Variants in PKHD1 observed in about 807,000 individuals in gnomAD.
PKHD1 encodes the protein PKHD1 ciliary IPT domain containing fibrocystin/polyductin.
A neutral mutation model predicts 412.0 loss-of-function variants in PKHD1; 291 were observed. The ratio of observed to expected loss-of-function variants is 0.71; its 90% CI spans 0.64 to 0.78. The LOEUF is 0.78. Among genes scored for constraint, PKHD1 ranks in the 30% least tolerant of loss-of-function variants. PKHD1 has a pLI of 0.00. For synonymous variants in PKHD1, 1,777 were observed against 1,821.5 expected (o/e 0.98, Z 0.62); for missense variants, 4,825 against 4,950.7 (o/e 0.97, Z 0.76).
chr6:51,932,157 C>T (rs1443382233), intron 37 of PKHD1, among the ~76,000 whole-genome samples: 1 of 152,102 alleles, frequency 6.6e-6, no homozygotes, highest in African/African-American at 2.4e-5. Flanking sequence ...CTTGAATTGC[C>T]CCATATTGAC....
At chr6:52,065,481 C>T (rs1325721315) in intron 12 of PKHD1, among the ~76,000 whole-genome samples, 3 of 152,040 alleles carry the variant, frequency 2.0e-5, no homozygotes, top group Non-Finnish European at 2.9e-5. Flanking sequence ...CTTGGTGTCA[C>T]CAACTACAGA....
intron 6 of PKHD1, among the ~76,000 whole-genome samples, chr6:52,075,954 T>C (rs1272827796): frequency 3.3e-5 from 5 of 152,208 alleles, no homozygotes. Context: ...TAAAGGTTTA[T>C]TATTATGGGA....
intron 35 of PKHD1, among the ~76,000 whole-genome samples, chr6:52,009,673 G>A (rs1581723184): frequency 6.6e-6 from 1 of 152,018 alleles, no homozygotes; most frequent in Non-Finnish European, 1.5e-5. Flanking sequence ...TGCAATTCTC[G>A]CAAATTCCCG....
chr6:51,975,963 T>TGAAAAAAA lies in PKHD1; in HGVS notation c.5752-15938_5752-15937insTTTTTTTC, dbSNP rs1231391714. On this transcript the variant is annotated intron_variant, in intron 35 of 66. Coordinates refer to ENST00000371117, the MANE Select transcript of PKHD1 (RefSeq NM_138694.4). ...AACATAGCGAGACCCTTTCTCTAAT[T>TGAAAAAAA]AAAAAAAAAAAAAAAAAAAAAAAAA... 4.8e-3 allele frequency: 332 copies of TGAAAAAAA among 69,772 alleles called. 56 individuals are homozygous for TGAAAAAAA. Among genetic ancestry groups the TGAAAAAAA allele is most frequent in the African/African-American group, 0.017 (314 of 18,506 alleles). 4.3% of individuals were successfully genotyped at this position (69,772 alleles called of 1,614,324 possible).
intron 36 of PKHD1, among the ~76,000 whole-genome samples, chr6:51,935,423 T>C (rs191331599): frequency 5.8e-4 from 88 of 152,358 alleles, no homozygotes; most frequent in Non-Finnish European, 1.1e-3. Flanking sequence ...AAGCATCCCA[T>C]ATGAATAAAC....
chr6:51,911,821 G>C lies in PKHD1; in HGVS notation c.6468C>G (p.Cys2156Trp). Residue 2156 changes from cysteine (C) to tryptophan (W), a missense_variant, in exon 39 of 67, where the codon TGC becomes TGG. By Grantham distance (215) the Cys-to-Trp change is radical. Transcript: ENST00000371117. The part of the protein sequence containing the change: ...TNEREKLLVS[C>W]QEANAPEGNL... Reference sequence around the variant, plus strand: ...TACCTTCTGGAGCATTGGCCTCCTGGCATGAAACAAGCAGCTTCTCCCTCT... The same window carrying C: ...TACCTTCTGGAGCATTGGCCTCCTGCCATGAAACAAGCAGCTTCTCCCTCT... 1 of 1,612,806 alleles carries C rather than the reference G, an allele frequency of 6.2e-7. No individual in the cohort carries two copies. The highest frequency in any genetic ancestry group is 8.5e-7 in the Non-Finnish European group (1 of 1,179,112).
At chr6:51,864,331 A>T (rs1774692726) in intron 48 of PKHD1, among the ~76,000 whole-genome samples, 1 of 152,184 alleles carries the variant, frequency 6.6e-6, no homozygotes, top group Non-Finnish European at 1.5e-5. Context: ...GGATGGCAAG[A>T]TCAGATCTGC....
At chr6:51,672,303 G>A (rs1775134127) in intron 60 of PKHD1, among the ~76,000 whole-genome samples, 2 of 152,120 alleles carry the variant, frequency 1.3e-5, no homozygotes, top group Non-Finnish European at 2.9e-5. Context: ...CCCTTAGCTA[G>A]ATTTCAAAAA....
intron 63 of PKHD1, among the ~76,000 whole-genome samples, chr6:51,642,876 G>A (rs1240878586): frequency 6.6e-6 from 1 of 152,034 alleles, no homozygotes; most frequent in East Asian, 1.9e-4. Context: ...ATAGGGTATG[G>A]AGTATAAGTA....
intron 21 of PKHD1, among the ~76,000 whole-genome samples, chr6:52,051,873 C>G (rs902608260): frequency 7.6e-6 from 1 of 131,458 alleles, no homozygotes; most frequent in Admixed American, 8.3e-5. Flanking sequence ...TCACCCAGCA[C>G]GTCACTTGAG....
intron 35 of PKHD1, among the ~76,000 whole-genome samples, chr6:52,006,845 C>G (rs1043736248): frequency 1.3e-5 from 2 of 152,160 alleles, no homozygotes; most frequent in African/African-American, 4.8e-5. Flanking sequence ...CACCCACCTC[C>G]CACCCTTTCC....
At chr6:51,734,316 T>C (rs145247795) in intron 60 of PKHD1, among the ~76,000 whole-genome samples, 2 of 152,100 alleles carry the variant, frequency 1.3e-5, no homozygotes, top group African/African-American at 2.4e-5. Context: ...AATTAGAAAA[T>C]GGGGGAATAT....
intron 60 of PKHD1, among the ~76,000 whole-genome samples, chr6:51,674,796 A>G (rs1465323860): frequency 1.3e-5 from 2 of 152,190 alleles, no homozygotes; most frequent in Non-Finnish European, 2.9e-5. Context: ...ACATATTTGC[A>G]AGAGTCCATT....
chr6:51,695,295 A>C (rs900593607), intron 60 of PKHD1, among the ~76,000 whole-genome samples: 7 of 152,184 alleles, frequency 4.6e-5, no homozygotes, highest in African/African-American at 1.7e-4. Flanking sequence ...GTTATTCTCA[A>C]GTATAAATTG....
At chr6:51,853,597 A>G (rs1772724314) in intron 49 of PKHD1, among the ~76,000 whole-genome samples, 1 of 152,000 alleles carries the variant, frequency 6.6e-6, no homozygotes, top group Admixed American at 6.6e-5. Flanking sequence ...GAAATCCCAT[A>G]TTTCTTGGAG....
At position 51,792,469 on chromosome 6, in the gene PKHD1, C is replaced by A. The variant is rs1582718484; in HGVS notation, c.8303-1096G>T. Among the ~76,000 whole-genome samples the A allele has an allele frequency of 3.9e-5, 6 of 152,336 alleles. 1 individual carries two copies. In the South Asian group the frequency reaches 1.2e-3, roughly 32 times the overall value. ...ATGAGTTGTCTTTCCTAGCCCCTCC[C>A]TGCTTCCTGCATTATAAGAATGGCC... On this transcript the variant is annotated intron_variant, in intron 52 of 66. Coordinates refer to ENST00000371117, the MANE Select transcript of PKHD1 (RefSeq NM_138694.4).
chr6:51,835,970 TGA>T (rs1286339443), intron 51 of PKHD1, among the ~76,000 whole-genome samples: 1 of 152,212 alleles, frequency 6.6e-6, no homozygotes, highest in Non-Finnish European at 1.5e-5. Flanking sequence ...TTTGGCTTTT[TGA>T]GTTAGAAAGA....
Position 51,661,181 on chromosome 6 carries a change from A to G in PKHD1, c.10157-1212T>C, listed in dbSNP as rs556394856. On this transcript the variant is annotated intron_variant, in intron 60 of 66. Coordinates refer to ENST00000371117, the MANE Select transcript of PKHD1 (RefSeq NM_138694.4). ...AGTCAAAGATCAAATATTCGAACAAAAGAGTCTCCTAGCACTACTGATTTT... is the reference window on the plus strand; with the variant it reads ...AGTCAAAGATCAAATATTCGAACAAGAGAGTCTCCTAGCACTACTGATTTT... Among the ~76,000 whole-genome samples the G allele has an allele frequency of 2.6e-5, 4 of 152,234 alleles. 1 individual carries two copies. The South Asian group carries it at 8.3e-4, about 32-fold the overall frequency.
chr6:52,062,918 T>C (rs1002136075), intron 13 of PKHD1, among the ~76,000 whole-genome samples: 1 of 152,156 alleles, frequency 6.6e-6, no homozygotes, highest in African/African-American at 2.4e-5. Flanking sequence ...AATCAAGTCC[T>C]GGAGAAAATG....
Sources: allele counts gnomAD v4.1 joint callset (sites outside exome capture counted in the v4.1 genomes callset), GRCh38; gene constraint gnomAD v4.1.1; transcripts MANE v1.5; gene names NCBI Gene and HGNC (gene_info 2026-07-23, HGNC 2026-07-21).